Variants in PCLO observed in about 807,000 individuals in gnomAD.
The protein encoded by PCLO is protein piccolo.
A neutral mutation model predicts 427.5 loss-of-function variants in PCLO; 82 were observed. That is an observed-to-expected ratio of 0.19 (90% CI 0.16 to 0.23). PCLO has a LOEUF of 0.23. Ranked by LOEUF, PCLO falls within the 10% of genes least tolerant of loss-of-function variation. PCLO has a pLI of 1.00. For synonymous variants in PCLO, 2,357 were observed against 2,155.4 expected, an observed-to-expected ratio of 1.09 and a Z score of -2.59; for missense variants, 6,239 against 6,115.9, an observed-to-expected ratio of 1.02 and a Z score of -0.67.
intron 3 of PCLO, among the ~76,000 whole-genome samples, chr7:83,024,879 C>T (rs1788449034): frequency 6.6e-6 from 1 of 152,036 alleles, no homozygotes; most frequent in South Asian, 2.1e-4. Flanking sequence ...ACTCCAACAC[C>T]TGCAGCTGAG....
chr7:82,806,449 C>T (rs547331147), intron 20 of PCLO, among the ~76,000 whole-genome samples: 23 of 152,108 alleles, frequency 1.5e-4, no homozygotes, highest in Non-Finnish European at 2.5e-4. Context: ...TCAAGAATTT[C>T]CTAAGTTTGA....
At chr7:82,779,893 T>C (rs898475994) in intron 22 of PCLO, among the ~76,000 whole-genome samples, 14 of 152,036 alleles carry the variant, frequency 9.2e-5, no homozygotes, top group Admixed American at 8.5e-4. Context: ...TTCTGGACAA[T>C]AGTATGGGTA....
Position 83,134,449 on chromosome 7 carries a change from T to C in PCLO, c.3101A>G (p.Lys1034Arg). ...EKKPPPIKDS[K>R]SLTAEPQKAV... The stretch of plus-strand genomic sequence containing the variant: ...CTTTTGAGGCTCAGCTGTTAAAGAT[T>C]TGCTATCCTTAATAGGTGGTGGCTT... Residue 1034 changes from lysine to arginine, a missense_variant, in exon 3 of 25, where the codon AAA becomes AGA. This residue lies in a region of PCLO where 4,677 missense variants were observed against 4,468.4 expected (regional missense o/e 1.05). Coordinates refer to ENST00000333891, the MANE Select transcript of PCLO (RefSeq NM_033026.6). The C allele has an allele frequency of 4.3e-6, 7 of 1,613,892 alleles. No individual in the cohort carries two copies. Among genetic ancestry groups the C allele is most frequent in the East Asian group, 2.2e-5 (1 of 44,870 alleles).
At chr7:82,758,777 T>C (rs1378419226) in intron 24 of PCLO, 62 bp from the exon 25 acceptor site, 27 of 1,015,608 alleles carry the variant, frequency 2.7e-5, no homozygotes, top group Non-Finnish European at 3.8e-5. Context: ...TGTATAGTTT[T>C]CAACCTTTTT....
Position 82,760,759 on chromosome 7 carries a change from C to G in PCLO, c.15168G>C (p.Met5056Ile). Residue 5056 changes from methionine (M) to isoleucine (I), a missense_variant, in exon 24 of 25, where the codon ATG becomes ATC. Physicochemically the swap from Met to Ile is conservative, Grantham distance 10. This residue lies in a region of PCLO where 877 missense variants were observed against 925.5 expected (regional missense o/e 0.95). Transcript: ENST00000333891. The part of the protein sequence containing the change: ...LPDLYVKIYV[M>I]NISTQKKVIK... ...TCACCTTTTTTTGGGTAGAAATATT[C>G]ATCACATATATTTTCACATATAAAT... is the stretch of plus-strand genomic sequence containing the variant. The G allele has an allele frequency of 6.7e-7, 1 of 1,490,402 alleles. No homozygotes were observed. The highest frequency in any genetic ancestry group is 2.3e-5 in the East Asian group (1 of 43,926). The allele number at this position is 1,490,402 out of a possible 1,614,324, so 92.3% of individuals were successfully genotyped here.
chr7:82,808,077 AG>A (rs1294050815), intron 20 of PCLO, among the ~76,000 whole-genome samples: 9 of 152,090 alleles, frequency 5.9e-5, no homozygotes, highest in African/African-American at 2.2e-4. Context: ...ATAATGAGTC[AG>A]ATTAGTCAAT....
intron 20 of PCLO, chr7:82,822,094 C>T (rs1791806860): frequency 2.1e-6 from 2 of 973,188 alleles, no homozygotes; most frequent in Non-Finnish European, 2.4e-6. Flanking sequence ...TATATGTGTG[C>T]ACTTTTTTTT....
chr7:82,775,057 C>G (rs1248475828), intron 22 of PCLO, among the ~76,000 whole-genome samples: 1 of 152,038 alleles, frequency 6.6e-6, no homozygotes, highest in African/African-American at 2.4e-5. Flanking sequence ...TCTTTCATAG[C>G]TTTATAGCTC....
intron 3 of PCLO, among the ~76,000 whole-genome samples, chr7:83,091,520 C>T (rs1790377952): frequency 6.6e-6 from 1 of 152,070 alleles, no homozygotes; most frequent in African/African-American, 2.4e-5. Flanking sequence ...GGTGTAATCT[C>T]ACAAGTAAGG....
intron 22 of PCLO, among the ~76,000 whole-genome samples, chr7:82,788,940 T>G (rs1791042730): frequency 6.6e-6 from 1 of 152,052 alleles, no homozygotes; most frequent in Non-Finnish European, 1.5e-5. Flanking sequence ...GGTTTTAAAA[T>G]AACTCAATCA....
chr7:82,921,601 G>A (rs1207363053), intron 6 of PCLO, among the ~76,000 whole-genome samples: 1 of 151,872 alleles, frequency 6.6e-6, no homozygotes, highest in African/African-American at 2.4e-5. Context: ...AATTCAAGAT[G>A]GAGTGAAAAC....
At position 82,915,932 on chromosome 7, in the gene PCLO, T is replaced by C. The variant is rs777554673; in HGVS notation, c.12054A>G (p.Arg4018=). 23 of 1,613,188 alleles carry C rather than the reference T, an allele frequency of 1.4e-5. No individual in the cohort carries two copies. Among genetic ancestry groups the C allele is most frequent in the Non-Finnish European group, 8.5e-7 (1 of 1,179,788 alleles). Reference sequence around the variant, plus strand: ...ATATTGGACTGCTTGCCATGCTACTTCTTTCCTCCAAACCTATTCTCAAGT... The same window carrying C: ...ATATTGGACTGCTTGCCATGCTACTCCTTTCCTCCAAACCTATTCTCAAGT... ...SLDLRIGLEE[R]SSMASSPISS... is the part of the protein sequence containing the mutation. The change falls in exon 7 of 25, where the codon AGA becomes AGG. Residue 4018 remains arginine (R), a synonymous_variant. Coordinates refer to ENST00000333891, the MANE Select transcript of PCLO (RefSeq NM_033026.6).
Position 82,973,072 on chromosome 7 carries a change from G to T in PCLO, c.3301-6585C>A, listed in dbSNP as rs118021971. Among the ~76,000 whole-genome samples, 85 of 152,014 alleles carry T rather than the reference G, an allele frequency of 5.6e-4. No homozygotes were observed. The East Asian group carries it at 0.016, about 28-fold the overall frequency. On this transcript the variant is annotated intron_variant, in intron 3 of 24. Transcript: ENST00000333891. ...TTTATGACATCTACAAAAGGGAGAA[G>T]GATTGAATTCACAGTTGACACATTC...
chr7:82,851,949 A>G (rs952600568), intron 10 of PCLO, among the ~76,000 whole-genome samples: 1 of 152,046 alleles, frequency 6.6e-6, no homozygotes, highest in Non-Finnish European at 1.5e-5. Flanking sequence ...TTTATTTTTT[A>G]AATTTATATA....
chr7:82,772,573 C>G (rs1157482219), intron 22 of PCLO, among the ~76,000 whole-genome samples: 1 of 152,098 alleles, frequency 6.6e-6, no homozygotes, highest in Non-Finnish European at 1.5e-5. Context: ...TACAATAAGG[C>G]AGGCATTCTG....
chr7:83,100,461 A>G (rs1385711273), intron 3 of PCLO, among the ~76,000 whole-genome samples: 1 of 152,206 alleles, frequency 6.6e-6, no homozygotes, highest in Admixed American at 6.5e-5. Flanking sequence ...TACATCATGG[A>G]ATACTATGCA....
intron 2 of PCLO, among the ~76,000 whole-genome samples, chr7:83,138,175 A>T (rs1791775105): frequency 6.6e-6 from 1 of 152,226 alleles, no homozygotes; most frequent in Non-Finnish European, 1.5e-5. Context: ...TAAAATACCT[A>T]TTACGTGCAA....
At chr7:82,864,687 T>G (rs372041398) in intron 10 of PCLO, among the ~76,000 whole-genome samples, 131 of 152,248 alleles carry the variant, frequency 8.6e-4, no homozygotes, top group Non-Finnish European at 1.4e-3. Context: ...ACGTTATACT[T>G]TAATTTATTC....
chr7:82,890,629 T>G (rs1793735710), intron 9 of PCLO, among the ~76,000 whole-genome samples: 1 of 151,878 alleles, frequency 6.6e-6, no homozygotes, highest in Admixed American at 6.6e-5. Context: ...AGGTAGAAGA[T>G]GAGAATTTTG....
Sources: allele counts gnomAD v4.1 joint callset (sites outside exome capture counted in the v4.1 genomes callset), GRCh38; gene constraint gnomAD v4.1.1; regional missense constraint gnomAD v4.1.1; transcripts MANE v1.5; gene names NCBI Gene and HGNC (gene_info 2026-07-23, HGNC 2026-07-21).